The following PCBP3 variants were observed in gnomAD, a reference collection of about 807,000 sequenced individuals.
The protein encoded by PCBP3 is poly(rC)-binding protein 3.
PCBP3 carries 25 observed loss-of-function variants against 52.7 expected under a neutral mutation model. That is an observed-to-expected ratio of 0.47 (90% CI 0.35 to 0.66). The LOEUF (loss-of-function observed/expected upper bound fraction) is 0.66. Ranked by LOEUF, PCBP3 falls within the 30% of genes least tolerant of loss-of-function variation. The pLI, the probability that PCBP3 is intolerant of heterozygous loss-of-function variation, is 0.01. For missense variants in PCBP3, 391 were observed against 490.3 expected, an observed-to-expected ratio of 0.80 and a Z score of 1.91; for synonymous variants, 162 against 183.0, an observed-to-expected ratio of 0.89 and a Z score of 0.93.
rs548424796 is a variant in PCBP3, at chr21:45,713,662, C to T, written c.-199-21730C>T. 3.9e-5 allele frequency among the ~76,000 whole-genome samples: 6 copies of T among 152,348 alleles called. 1 individual carries two copies. The South Asian group carries it at 1.0e-3, about 26-fold the overall frequency. ...TGCTGACGCCATGCTCCGCTACTTGCATGGTGCACGAGGGAGCACAGGACA... is the reference window on the plus strand; with the variant it reads ...TGCTGACGCCATGCTCCGCTACTTGTATGGTGCACGAGGGAGCACAGGACA... On this transcript the variant is annotated intron_variant, in intron 2 of 17. Coordinates refer to ENST00000681687, the MANE Select transcript of PCBP3 (RefSeq NM_001384156.1).
At chr21:45,937,057 G>T (rs929213412) in intron 16 of PCBP3, among the ~76,000 whole-genome samples, 2 of 152,246 alleles carry the variant, frequency 1.3e-5, no homozygotes, top group African/African-American at 4.8e-5. Flanking sequence ...CTGCACCAAA[G>T]CTGATGTTCC....
intron 4 of PCBP3, among the ~76,000 whole-genome samples, chr21:45,845,701 C>T (rs935098450): frequency 1.3e-5 from 2 of 152,108 alleles, no homozygotes; most frequent in Admixed American, 6.5e-5. Context: ...CTTAAGCACC[C>T]GTTTGCACAT....
intron 16 of PCBP3, 68 bp from the exon 17 acceptor site, chr21:45,939,962 C>T (rs2077284432): frequency 6.9e-7 from 1 of 1,448,200 alleles, no homozygotes; most frequent in Admixed American, 1.8e-5. Context: ...CCCTCGGGCG[C>T]ACTGCCCACA....
chr21:45,716,037 C>T (rs910100776), intron 2 of PCBP3, among the ~76,000 whole-genome samples: 2 of 152,004 alleles, frequency 1.3e-5, no homozygotes, highest in Non-Finnish European at 2.9e-5. Flanking sequence ...TCTAGGAAAC[C>T]ACTGCCTAAT....
At chr21:45,718,828 T>C (rs1569148388) in intron 2 of PCBP3, among the ~76,000 whole-genome samples, 1 of 152,208 alleles carries the variant, frequency 6.6e-6, no homozygotes, top group Non-Finnish European at 1.5e-5. Flanking sequence ...ATGAACACTT[T>C]TCAAAAAATG....
At chr21:45,872,247 G>A (rs963427492) in intron 5 of PCBP3, 1 of 152,252 alleles carries the variant, frequency 6.6e-6, no homozygotes, top group Non-Finnish European at 1.5e-5. Flanking sequence ...AAACATCTTA[G>A]GTGGTTCTCA....
At chr21:45,766,966 TCACA>T (rs1356964450) in intron 4 of PCBP3, among the ~76,000 whole-genome samples, 22 of 152,172 alleles carry the variant, frequency 1.4e-4, no homozygotes, top group Non-Finnish European at 2.8e-4. Flanking sequence ...ATGTTCACTT[TCACA>T]CACACACTCA....
At chr21:45,923,651 C>A (rs994619710) in intron 13 of PCBP3, among the ~76,000 whole-genome samples, 1 of 152,102 alleles carries the variant, frequency 6.6e-6, no homozygotes, top group Non-Finnish European at 1.5e-5. Context: ...AGTTGGAAGC[C>A]CAGGGGAGAC....
intron 4 of PCBP3, among the ~76,000 whole-genome samples, chr21:45,824,809 A>G (rs897824447): frequency 2.6e-5 from 4 of 152,186 alleles, no homozygotes; most frequent in Non-Finnish European, 5.9e-5. Flanking sequence ...GTCTACAAGG[A>G]CATAGATGGC....
chr21:45,766,560 GC>G (rs1205032684), intron 4 of PCBP3, among the ~76,000 whole-genome samples: 2 of 152,232 alleles, frequency 1.3e-5, no homozygotes. Flanking sequence ...TTCCGTGGAA[GC>G]CCCCAGTCTG....
chr21:45,917,394 A>C lies in PCBP3; in HGVS notation c.676-194A>C. 3.1e-5 allele frequency: 12 copies of C among 393,428 alleles called. No homozygotes were observed. Among genetic ancestry groups the C allele is most frequent in the Non-Finnish European group, 5.3e-5 (11 of 207,640 alleles). 24.4% of individuals were successfully genotyped at this position (393,428 alleles called of 1,614,324 possible). ...CAGCTCAGCTCTGCCCGCCCAGAGG[A>C]AGTGGGTGCGGCTCCCCTGGGGCTC... On this transcript the variant is annotated intron_variant, in intron 12 of 17. Transcript: ENST00000681687. The surrounding 1 kb of genome is among the most constrained non-coding windows in gnomAD (Gnocchi z 5.3).
At chr21:45,843,462 G>T (rs993405020) in intron 4 of PCBP3, among the ~76,000 whole-genome samples, 1 of 152,030 alleles carries the variant, frequency 6.6e-6, no homozygotes, top group East Asian at 1.9e-4. Context: ...GATACTTTCT[G>T]TTCTTTTTCT....
At chr21:45,922,481 G>A (rs182397150) in intron 13 of PCBP3, among the ~76,000 whole-genome samples, 1,793 of 152,250 alleles carry the variant, frequency 0.012, 20 homozygotes, top group South Asian at 0.042. Context: ...CCTGAGCTCC[G>A]GCAGTCGAGA....
chr21:45,923,439 T>C (rs1228166247), intron 13 of PCBP3, among the ~76,000 whole-genome samples: 2 of 152,352 alleles, frequency 1.3e-5, no homozygotes, highest in South Asian at 4.1e-4. Flanking sequence ...CCCTCACTGC[T>C]GGCTGGAGTT....
Position 45,805,817 on chromosome 21 carries a change from G to C in PCBP3, c.-125-44144G>C, listed in dbSNP as rs1051095194. ...GAGGAAAGCGCGCTCCTGTCTTTCTGTGGCAGCGAAGGTGGCATTCCCTCC... is the reference window on the plus strand; with the variant it reads ...GAGGAAAGCGCGCTCCTGTCTTTCTCTGGCAGCGAAGGTGGCATTCCCTCC... On this transcript the variant is annotated intron_variant, in intron 4 of 17. Coordinates refer to ENST00000681687, the MANE Select transcript of PCBP3 (RefSeq NM_001384156.1). The surrounding 1 kb of genome is among the most constrained non-coding windows in gnomAD (Gnocchi z 4.6). Among the ~76,000 whole-genome samples, 17 of 152,094 alleles carry C rather than the reference G, an allele frequency of 1.1e-4. No homozygotes were observed. Among genetic ancestry groups the C allele is most frequent in the Non-Finnish European group, 1.9e-4 (13 of 68,018 alleles).
intron 4 of PCBP3, among the ~76,000 whole-genome samples, chr21:45,785,485 T>C (rs1339571640): frequency 9.1e-5 from 10 of 110,202 alleles, no homozygotes; most frequent in South Asian, 6.5e-4. Flanking sequence ...GCCCCCCGCC[T>C]GGCCAGCCGC....
intron 5 of PCBP3, chr21:45,894,155 G>C (rs556509550): frequency 1.0e-5 from 4 of 394,710 alleles, no homozygotes; most frequent in African/African-American, 8.6e-5. Context: ...CAGGTGACCC[G>C]CACGGCACAG....
intron 5 of PCBP3, among the ~76,000 whole-genome samples, chr21:45,850,679 T>C (rs17351419): frequency 0.14 from 21,119 of 152,238 alleles, 1,631 homozygotes; most frequent in Middle Eastern, 0.28. Context: ...ATTAATATCT[T>C]AAGCAATATA....
intron 4 of PCBP3, among the ~76,000 whole-genome samples, chr21:45,775,149 C>T (rs759887284): frequency 1.4e-4 from 21 of 152,062 alleles, no homozygotes; most frequent in Admixed American, 3.9e-4. Flanking sequence ...CTGGACTTTT[C>T]TGTATTGGGA....
Sources: gnomAD v4.1 joint callset for allele counts (sites outside exome capture counted in the v4.1 genomes callset) on GRCh38, gnomAD v4.1.1 for gene constraint, Gnocchi (gnomAD v3.1) non-coding constraint, MANE v1.5 for transcripts, NCBI Gene and HGNC (gene_info 2026-07-23, HGNC 2026-07-21) for gene names.